SLC37A1: variants seen among roughly 807,000 people sequenced by gnomAD.
SLC37A1 encodes the protein glucose-6-phosphate exchanger SLC37A1.
SLC37A1 carries 49 observed loss-of-function variants against 75.3 expected under a neutral mutation model. That is an observed-to-expected ratio of 0.65 (90% CI 0.52 to 0.83). SLC37A1 has a LOEUF of 0.83. Among genes scored for constraint, SLC37A1 ranks in the 40% least tolerant of loss-of-function variants. The pLI is 0.00. For synonymous variants in SLC37A1, 268 were observed against 292.1 expected (o/e 0.92, Z 0.84); for missense variants, 566 against 695.0 (o/e 0.81, Z 2.09).
chr21:42,564,846 GTCC>G (rs1254411159), intron 14 of SLC37A1, 53 bp downstream of exon 14: 19 of 1,522,272 alleles, frequency 1.2e-5, no homozygotes, highest in South Asian at 2.3e-5. Context: ...GTCCCCCACT[GTCC>G]TCCTCGCCAG....
Position 42,539,528 on chromosome 21 carries a change from C to G in SLC37A1, c.367C>G (p.Arg123Gly). ...GMYLSGIIGE[R>G]LPIRYYLTFG... is the part of the protein sequence containing the mutation. ...CCACCTCAGTGGCATCATTGGGGAG[C>G]GCCTGCCGATTAGGTATTACCTAAC... The change falls in exon 6 of 20, where the codon CGC becomes GGC. Residue 123 changes from arginine (R) to glycine (G), a missense_variant. Coordinates refer to ENST00000352133, the MANE Select transcript of SLC37A1 (RefSeq NM_001320537.2). The G allele has an allele frequency of 6.2e-7, 1 of 1,612,446 alleles. No individual in the cohort carries two copies. The highest frequency in any genetic ancestry group is 1.1e-5 in the South Asian group (1 of 90,838).
At chr21:42,573,224 T>C (rs1300093173) in intron 17 of SLC37A1, among the ~76,000 whole-genome samples, 1 of 152,182 alleles carries the variant, frequency 6.6e-6, no homozygotes, top group East Asian at 1.9e-4. Flanking sequence ...AGACCTGGGA[T>C]CCGAGGTGCG....
chr21:42,538,526 T>C (rs1246387547), intron 5 of SLC37A1, among the ~76,000 whole-genome samples: 1 of 152,218 alleles, frequency 6.6e-6, no homozygotes, highest in Non-Finnish European at 1.5e-5. Flanking sequence ...CCTGTTTATC[T>C]GACTCCTAGA....
rs957651280 is a variant in SLC37A1 at position 42,580,774 on chromosome 21, G to A, written c.*414G>A. The stretch of plus-strand genomic sequence containing the variant: ...GTACTGCGCTGGCTGTGGCTTCAGA[G>A]AACCTGTATGTGCCACATGGAAAAA... On this transcript the variant is annotated 3_prime_UTR_variant, in exon 20 of 20. Coordinates refer to ENST00000352133, the MANE Select transcript of SLC37A1 (RefSeq NM_001320537.2). The A allele has an allele frequency of 3.2e-5, 7 of 221,798 alleles. No individual in the cohort carries two copies. Among genetic ancestry groups the A allele is most frequent in the Non-Finnish European group, 5.4e-5 (6 of 110,698 alleles). 13.7% of individuals were successfully genotyped at this position (221,798 alleles called of 1,614,324 possible). A position where few individuals can be genotyped will look rare whatever the true frequency, so the allele number is the denominator to read the frequency against.
At position 42,568,456 on chromosome 21, in the gene SLC37A1, G is replaced by T; in HGVS notation, c.1423+18G>T. The T allele has an allele frequency of 6.2e-7, 1 of 1,611,436 alleles. No homozygotes were observed. The highest frequency in any genetic ancestry group is 1.3e-5 in the African/African-American group (1 of 75,018). On this transcript the variant is annotated intron_variant, in intron 17 of 19. Coordinates refer to ENST00000352133, the MANE Select transcript of SLC37A1 (RefSeq NM_001320537.2). ...CTCTGTAGGTGCGCAGAGAGTTTTA[G>T]CTCTGGGAGGTTTGGTGTCTTAGGG...
chr21:42,529,867 G>A (rs923826073), intron 3 of SLC37A1, among the ~76,000 whole-genome samples: 7 of 152,152 alleles, frequency 4.6e-5, no homozygotes, highest in African/African-American at 7.2e-5. Context: ...GTTTTCATGC[G>A]TTCTTGATGG....
At chr21:42,503,203 T>C (rs914186145) in intron 2 of SLC37A1, among the ~76,000 whole-genome samples, 5 of 151,434 alleles carry the variant, frequency 3.3e-5, no homozygotes, top group Non-Finnish European at 7.4e-5. Context: ...ATCTTTAATA[T>C]GAAGTTGAAC....
chr21:42,568,264 T>C (rs549759163), intron 16 of SLC37A1, 96 bp from the exon 17 acceptor site: 1 of 950,940 alleles, frequency 1.1e-6, no homozygotes, highest in African/African-American at 1.6e-5. Flanking sequence ...CGATGAGTTG[T>C]TTTGCAGAGC....
At position 42,543,640 on chromosome 21, in the gene SLC37A1, A is replaced by C. The variant is rs373927154; in HGVS notation, c.730+38A>C. The C allele has an allele frequency of 1.9e-6, 3 of 1,545,996 alleles. No homozygotes were observed. The African/African-American group carries it at 4.1e-5, about 21-fold the overall frequency. ...GGCCTTGGAGACCACCCACCAAGGG[A>C]GGCCTCGGATTTCCCTGCCTGGGTG... is the stretch of plus-strand genomic sequence containing the variant. On this transcript the variant is annotated intron_variant, in intron 8 of 19. Transcript: ENST00000352133.
At chr21:42,544,922 A>G (rs2146895584) in intron 8 of SLC37A1, among the ~76,000 whole-genome samples, 1 of 152,268 alleles carries the variant, frequency 6.6e-6, no homozygotes, top group South Asian at 2.1e-4. Context: ...GCCTGAGGGT[A>G]GAGTCCATGG....
intron 11 of SLC37A1, among the ~76,000 whole-genome samples, chr21:42,561,019 T>C (rs116943525): frequency 0.065 from 9,881 of 152,284 alleles, 457 homozygotes; most frequent in Middle Eastern, 0.11. Flanking sequence ...TAATACCATA[T>C]GTTGTTCTGA....
intron 13 of SLC37A1, 108 bp from the exon 14 acceptor site, chr21:42,564,600 G>A (rs1044963937): frequency 2.4e-6 from 2 of 832,856 alleles, no homozygotes; most frequent in Middle Eastern, 4.9e-4. Context: ...ATGGAGAGAG[G>A]GGCTTGGGAA....
intron 13 of SLC37A1, 149 bp downstream of exon 13, chr21:42,564,026 G>A (rs560239752): frequency 3.7e-6 from 3 of 814,904 alleles, no homozygotes; most frequent in East Asian, 5.4e-5. Flanking sequence ...CGTCACCTGG[G>A]GGTGGTTTTA....
Position 42,569,548 on chromosome 21 carries a change from G to A in SLC37A1, c.1423+1110G>A, listed in dbSNP as rs59471109. 2.5e-3 allele frequency among the ~76,000 whole-genome samples: 53 copies of A among 20,890 alleles called. 1 individual carries two copies. The highest frequency in any genetic ancestry group is 0.012 in the South Asian group (10 of 842). 13.7% of individuals were successfully genotyped at this position (20,890 alleles called of 152,430 possible). Reference sequence around the variant, plus strand: ...GCACTCCCTCGTGCCGCACTCCCTCGTGCCGCACTCCCTCGTGCCTTGAGT... The same window carrying A: ...GCACTCCCTCGTGCCGCACTCCCTCATGCCGCACTCCCTCGTGCCTTGAGT... On this transcript the variant is annotated intron_variant, in intron 17 of 19. Transcript: ENST00000352133.
At chr21:42,529,054 A>G (rs1475126730) in intron 3 of SLC37A1, among the ~76,000 whole-genome samples, 3 of 152,230 alleles carry the variant, frequency 2.0e-5, no homozygotes, top group Non-Finnish European at 4.4e-5. Flanking sequence ...ATTATCAAGA[A>G]AAGTGTAAAG....
chr21:42,500,467 AATGAGAG>A (rs2054331525), intron 1 of SLC37A1, among the ~76,000 whole-genome samples: 1 of 152,320 alleles, frequency 6.6e-6, no homozygotes, highest in South Asian at 2.1e-4. Context: ...AGATATTCAT[AATGAGAG>A]TAGCATAGTG....
At position 42,515,273 on chromosome 21, in the gene SLC37A1, G is replaced by A. The variant is rs56145725; in HGVS notation, c.-179+556G>A. On this transcript the variant is annotated intron_variant, in intron 1 of 19. Coordinates refer to ENST00000352133, the MANE Select transcript of SLC37A1 (RefSeq NM_001320537.2). ...TGGACAGGAAGTTGTATTCTATCTC[G>A]TAATTTAAAAAAAAGAAAAGAAAAA... is the stretch of plus-strand genomic sequence containing the variant. Among the ~76,000 whole-genome samples, 1,092 of 151,796 alleles carry A rather than the reference G, an allele frequency of 7.2e-3. 5 individuals are homozygous for A. The highest frequency in any genetic ancestry group is 0.012 in the Non-Finnish European group (827 of 67,958).
At chr21:42,575,385 G>T (rs539033262) in intron 18 of SLC37A1, 2 of 985,338 alleles carry the variant, frequency 2.0e-6, no homozygotes, top group African/African-American at 3.5e-5. Context: ...CGGCGGGAGC[G>T]GCCCCAACTT....
chr21:42,511,130 T>C (rs193275752), upstream of SLC37A1, among the ~76,000 whole-genome samples: 7 of 152,336 alleles, frequency 4.6e-5, no homozygotes, highest in Admixed American at 4.6e-4. Context: ...ATTAAAATCA[T>C]ATCAAGTATC....
Sources: allele counts gnomAD v4.1 joint callset (sites outside exome capture counted in the v4.1 genomes callset), GRCh38; gene constraint gnomAD v4.1.1; transcripts MANE v1.5; gene names NCBI Gene and HGNC (gene_info 2026-07-23, HGNC 2026-07-21).